PPFIA2: variants seen among roughly 807,000 people sequenced by gnomAD.
PPFIA2 encodes the protein PPFI scaffold protein A2.
In PPFIA2, 46 loss-of-function variants were observed where a neutral mutation model predicts 175.5. The observed-to-expected ratio is 0.26, with a 90% CI of 0.21 to 0.34. The LOEUF is 0.34. Among genes scored for constraint, PPFIA2 ranks in the 10% least tolerant of loss-of-function variants. The pLI is 1.00. For missense variants in PPFIA2, 1,179 were observed against 1,506.1 expected (o/e 0.78, Z 3.60); for synonymous variants, 568 against 511.4 (o/e 1.11, Z -1.49).
chr12:81,374,521 A>C, intron 11 of PPFIA2, 113 bp downstream of exon 11: 8 of 1,256,658 alleles, frequency 6.4e-6, no homozygotes, highest in South Asian at 1.8e-5. Flanking sequence ...TCAATATAAT[A>C]GAGATTAAAC....
chr12:81,333,338 T>C (rs2056497094), intron 21 of PPFIA2, among the ~76,000 whole-genome samples: 1 of 152,326 alleles, frequency 6.6e-6, no homozygotes, highest in Admixed American at 6.5e-5. Flanking sequence ...TCTTCAAATG[T>C]TGTGATCAGC....
intron 4 of PPFIA2, among the ~76,000 whole-genome samples, chr12:81,673,203 C>T (rs60779341): frequency 1.2e-3 from 178 of 152,166 alleles, no homozygotes; most frequent in African/African-American, 4.0e-3. Context: ...GGATCCTTCA[C>T]ACTGCTGGTT....
intron 4 of PPFIA2, among the ~76,000 whole-genome samples, chr12:81,671,094 C>CA (rs2071318095): frequency 6.6e-6 from 1 of 151,802 alleles, no homozygotes; most frequent in Non-Finnish European, 1.5e-5. Context: ...CATATATTCC[C>CA]AACTCAGCTC....
chr12:81,259,551 T>C lies in PPFIA2; in HGVS notation c.*143A>G, dbSNP rs2034657689. The C allele has an allele frequency of 7.5e-7, 1 of 1,340,320 alleles. No individual in the cohort carries two copies. Among genetic ancestry groups the C allele is most frequent in the Admixed American group, 2.2e-5 (1 of 46,454 alleles). The allele number at this position is 1,340,320 out of a possible 1,614,324, so 83.0% of individuals were successfully genotyped here. The stretch of plus-strand genomic sequence containing the variant: ...AAAAATCACATTTTTCAGCTTTTAA[T>C]AAGTCATGACGTCATTATTTCCTTA... On this transcript the variant is annotated 3_prime_UTR_variant, in exon 33 of 33. Transcript: ENST00000549396.
intron 4 of PPFIA2, among the ~76,000 whole-genome samples, chr12:81,508,746 C>T (rs2061463983): frequency 6.9e-6 from 1 of 145,838 alleles, no homozygotes; most frequent in East Asian, 2.1e-4. Context: ...GTATATCTCC[C>T]GATGCTATCC....
intron 4 of PPFIA2, among the ~76,000 whole-genome samples, chr12:81,664,629 C>T (rs1437027730): frequency 6.6e-5 from 10 of 152,148 alleles, no homozygotes; most frequent in East Asian, 5.8e-4. Flanking sequence ...GTCACTGTGG[C>T]GATTCCTCAG....
chr12:81,388,905 G>T (rs965277907), intron 8 of PPFIA2, among the ~76,000 whole-genome samples: 7 of 151,054 alleles, frequency 4.6e-5, no homozygotes, highest in Non-Finnish European at 4.4e-5. Context: ...TATATATGAC[G>T]CATGGTATAG....
intron 4 of PPFIA2, among the ~76,000 whole-genome samples, chr12:81,591,436 C>T (rs1035753771): frequency 1.3e-5 from 2 of 152,292 alleles, no homozygotes; most frequent in Middle Eastern, 3.4e-3. Context: ...TAACAAGAAG[C>T]TGAATGTTAA....
intron 3 of PPFIA2, among the ~76,000 whole-genome samples, chr12:81,737,345 C>T (rs1413201045): frequency 6.6e-6 from 1 of 151,816 alleles, no homozygotes; most frequent in Admixed American, 6.6e-5. Flanking sequence ...AGAACTGTAC[C>T]CTAGAAGAAA....
Position 81,431,502 on chromosome 12 carries a change from C to T in PPFIA2, c.645+8470G>A, listed in dbSNP as rs17008554. ...GCCTAAGTGGGGCCATTCAAAAAGGCCTAAAATTACAACACATTTTCATTA... is the reference window on the plus strand; with the variant it reads ...GCCTAAGTGGGGCCATTCAAAAAGGTCTAAAATTACAACACATTTTCATTA... On this transcript the variant is annotated intron_variant, in intron 7 of 32. Transcript: ENST00000549396. 2.9e-3 allele frequency: 441 copies of T among 152,152 alleles called. 6 individuals carry two copies. Among genetic ancestry groups the T allele is most frequent in the African/African-American group, 9.9e-3 (410 of 41,526 alleles). The allele number at this position is 152,152 out of a possible 1,614,324, so 9.4% of individuals were successfully genotyped here. A position where few individuals can be genotyped will look rare whatever the true frequency, so the allele number is the denominator to read the frequency against.
At chr12:81,455,023 G>T (rs192626491) in intron 5 of PPFIA2, among the ~76,000 whole-genome samples, 4 of 152,030 alleles carry the variant, frequency 2.6e-5, no homozygotes, top group African/African-American at 4.8e-5. Flanking sequence ...TATCACTTGC[G>T]CTTTAAATTT....
Position 81,299,334 on chromosome 12 carries a change from C to A in PPFIA2, c.2691G>T (p.Gln897His). The change falls in exon 23 of 33, where the codon CAG becomes CAT. Residue 897 changes from glutamine to histidine, a missense_variant. By Grantham distance (24) the Gln-to-His change is conservative. Transcript: ENST00000549396. ...EARRKGLPFA[Q>H]WDGPTVVAWL... ...ATGCGACCACAGTTGGCCCATCCCA[C>A]TGGGCAAAAGGTAATCCCTTTCTCC... 6.3e-7 allele frequency: 1 copy of A among 1,597,310 alleles called. No homozygotes were observed. Among genetic ancestry groups the A allele is most frequent in the Non-Finnish European group, 8.5e-7 (1 of 1,171,200 alleles).
intron 4 of PPFIA2, among the ~76,000 whole-genome samples, chr12:81,568,777 C>T (rs952740902): frequency 6.6e-6 from 1 of 152,106 alleles, no homozygotes; most frequent in South Asian, 2.1e-4. Flanking sequence ...TTCCATTCCC[C>T]ATCTTGATGG....
intron 4 of PPFIA2, among the ~76,000 whole-genome samples, chr12:81,478,907 G>A (rs960731952): frequency 1.3e-5 from 2 of 152,136 alleles, no homozygotes; most frequent in Non-Finnish European, 2.9e-5. Context: ...ATTCGGAGTG[G>A]AGAGTTCTGT....
intron 10 of PPFIA2, among the ~76,000 whole-genome samples, chr12:81,375,311 T>C (rs1028164913): frequency 6.6e-6 from 1 of 152,130 alleles, no homozygotes; most frequent in Non-Finnish European, 1.5e-5. Flanking sequence ...CCAATAAGAC[T>C]TTATTAACAA....
chr12:81,677,211 AT>A (rs201413128), intron 3 of PPFIA2, among the ~76,000 whole-genome samples: 7,232 of 151,484 alleles, frequency 0.048, 232 homozygotes, highest in South Asian at 0.1. Context: ...AAAATATTTA[AT>A]TTTTTTTTAT....
intron 22 of PPFIA2, among the ~76,000 whole-genome samples, chr12:81,300,654 A>G (rs1223800080): frequency 1.3e-5 from 2 of 152,146 alleles, no homozygotes; most frequent in East Asian, 3.9e-4. Context: ...AGCACCTGGG[A>G]AAGGGAACAG....
At position 81,405,806 on chromosome 12, in the gene PPFIA2, C is replaced by G. The variant is rs1009990234; in HGVS notation, c.743G>C (p.Gly248Ala). 6.4e-7 allele frequency: 1 copy of G among 1,571,508 alleles called. No homozygotes were observed. The highest frequency in any genetic ancestry group is 8.7e-7 in the Non-Finnish European group (1 of 1,155,760). The change falls in exon 8 of 33, where the codon GGA (glycine) becomes GCA (alanine). Residue 248 changes from glycine to alanine, a missense_variant. Coordinates refer to ENST00000549396, the MANE Select transcript of PPFIA2 (RefSeq NM_003625.5). Reference sequence around the variant, plus strand: ...TCATACCTTCTCATGGACTTTCTGTCCAGGTTCCATCCCTTCAAGATGTTC... The same window carrying G: ...TCATACCTTCTCATGGACTTTCTGTGCAGGTTCCATCCCTTCAAGATGTTC... The part of the protein sequence containing the change: ...ESEHLEGMEP[G>A]QKVHEKRLSN...
chr12:81,259,745 C>A, intron 32 of PPFIA2, 85 bp from the exon 33 acceptor site: 1 of 1,202,372 alleles, frequency 8.3e-7, no homozygotes, highest in Non-Finnish European at 1.2e-6. Flanking sequence ...TGTACCTCCA[C>A]GCAGCCTGCT....
Sources: allele counts gnomAD v4.1 joint callset (sites outside exome capture counted in the v4.1 genomes callset), GRCh38; gene constraint gnomAD v4.1.1; transcripts MANE v1.5; gene names NCBI Gene and HGNC (gene_info 2026-07-23, HGNC 2026-07-21).